TRMT9B: variants seen among roughly 807,000 people sequenced by gnomAD.
The protein encoded by TRMT9B is probable tRNA methyltransferase 9B.
In TRMT9B, 16 loss-of-function variants were observed where a neutral mutation model predicts 11.5. The observed-to-expected ratio is 1.39, with a 90% CI of 0.94 to 2.11. The LOEUF is 2.11. Among genes scored for constraint, TRMT9B ranks in the 30% most tolerant of loss-of-function variants. The pLI, the probability that TRMT9B is intolerant of heterozygous loss-of-function variation, is 0.00. For missense variants in TRMT9B, 941 were observed against 553.8 expected (o/e 1.70, Z -7.02); for synonymous variants, 274 against 192.4 (o/e 1.42, Z -3.51).
chr8:12,966,363 G>A (rs951433695), intron 1 of TRMT9B, among the ~76,000 whole-genome samples: 6 of 151,942 alleles, frequency 3.9e-5, no homozygotes, highest in Non-Finnish European at 8.8e-5. Context: ...TGTTAACCCC[G>A]GAAAGCATTG....
chr8:12,982,217 G>C (rs2128873709), intron 1 of TRMT9B, among the ~76,000 whole-genome samples: 1 of 152,220 alleles, frequency 6.6e-6, no homozygotes, highest in South Asian at 2.1e-4. Context: ...TCCTGGACCA[G>C]GTGAGGACTT....
chr8:12,999,295 T>A, intron 2 of TRMT9B, among the ~76,000 whole-genome samples: 2 of 104,526 alleles, frequency 1.9e-5, no homozygotes, highest in Admixed American at 2.5e-4. Flanking sequence ...GGAGACTCCA[T>A]CTCAAAAAAA....
intron 1 of TRMT9B, among the ~76,000 whole-genome samples, chr8:12,987,626 A>C (rs1315224768): frequency 6.6e-6 from 1 of 152,116 alleles, no homozygotes; most frequent in Non-Finnish European, 1.5e-5. Context: ...TGGGAGGTCA[A>C]GGCTGCAGTG....
At chr8:12,983,418 C>G (rs1338866726) in intron 1 of TRMT9B, among the ~76,000 whole-genome samples, 1 of 152,042 alleles carries the variant, frequency 6.6e-6, no homozygotes, top group Non-Finnish European at 1.5e-5. Flanking sequence ...GCCTGTAATC[C>G]CAGCACTTTG....
rs1814380510 is a variant in TRMT9B, at chr8:13,024,096, T to C, written c.*2052T>C. On this transcript the variant is annotated 3_prime_UTR_variant, in exon 5 of 5. Transcript: ENST00000524591. ...TCTCGCTCTGTCGCCCAGGCTGGAG[T>C]GCACTGGCGCGATCTCGGCTCACTG... 6.9e-6 allele frequency: 1 copy of C among 144,022 alleles called. No individual in the cohort carries two copies. The highest frequency in any genetic ancestry group is 2.3e-4 in the South Asian group (1 of 4,380). The allele number at this position is 144,022 out of a possible 1,614,324, so 8.9% of individuals were successfully genotyped here. A position where few individuals can be genotyped will look rare whatever the true frequency, so the allele number is the denominator to read the frequency against.
At chr8:13,012,436 A>G (rs1811796168) in intron 3 of TRMT9B, 1 of 462,930 alleles carries the variant, frequency 2.2e-6, no homozygotes, top group Admixed American at 5.0e-5. Flanking sequence ...TTATCCGGTC[A>G]TGGTGGCACG....
rs1814438132 is a variant in TRMT9B, at chr8:13,024,416, C to A, written c.*2372C>A. ...ATTTCCTTGGTAAAAAGAAAAGATT[C>A]TCAGAGTCAAAATGGTCTTACAACT... On this transcript the variant is annotated 3_prime_UTR_variant, in exon 5 of 5. Coordinates refer to ENST00000524591, the MANE Select transcript of TRMT9B (RefSeq NM_020844.3). 6.0e-6 allele frequency: 1 copy of A among 167,126 alleles called. No homozygotes were observed. The highest frequency in any genetic ancestry group is 1.5e-5 in the Non-Finnish European group (1 of 68,138). The allele number at this position is 167,126 out of a possible 1,614,324, so 10.4% of individuals were successfully genotyped here. A position where few individuals can be genotyped will look rare whatever the true frequency, so the allele number is the denominator to read the frequency against.
intron 1 of TRMT9B, among the ~76,000 whole-genome samples, chr8:12,980,529 G>T (rs1444077185): frequency 6.6e-6 from 1 of 152,118 alleles, no homozygotes; most frequent in African/African-American, 2.4e-5. Context: ...TATGGTGAGA[G>T]GCAAGGTTCT....
chr8:12,959,551 G>A (rs1195987826), intron 1 of TRMT9B, among the ~76,000 whole-genome samples: 2 of 72,662 alleles, frequency 2.8e-5, no homozygotes, highest in Admixed American at 2.5e-4. Flanking sequence ...ACAGAGTCTT[G>A]CTCTGTTGCC....
rs529626958 is a variant in TRMT9B, at chr8:13,012,402, C to G, written c.155-282C>G. 1.7e-4 allele frequency: 84 copies of G among 499,058 alleles called. 1 individual carries two copies. The highest frequency in any genetic ancestry group is 2.2e-4 in the Non-Finnish European group (81 of 374,524). The allele number at this position is 499,058 out of a possible 1,614,324, so 30.9% of individuals were successfully genotyped here. ...GACCAACCTGACCAACATGGAGAAA[C>G]CCGTCTCTACTAAAAATACAAAATT... On this transcript the variant is annotated intron_variant, in intron 3 of 4. Coordinates refer to ENST00000524591, the MANE Select transcript of TRMT9B (RefSeq NM_020844.3).
intron 1 of TRMT9B, among the ~76,000 whole-genome samples, chr8:12,963,969 A>G (rs1015263016): frequency 6.6e-6 from 1 of 152,228 alleles, no homozygotes; most frequent in African/African-American, 2.4e-5. Context: ...CCAAATATTT[A>G]TAAATGACAC....
intron 2 of TRMT9B, among the ~76,000 whole-genome samples, chr8:13,001,800 T>A: frequency 6.6e-6 from 1 of 152,220 alleles, no homozygotes; most frequent in East Asian, 1.9e-4. Flanking sequence ...CTTTAAGTAC[T>A]GACTTTTTAT....
rs537507417 is a variant in TRMT9B at position 13,021,908 on chromosome 8, G to A, written c.1229G>A (p.Arg410His). ...TDVLDSTAFM[R>H]YYHVFREGEL... is the part of the protein sequence containing the mutation. ...GTTTTGGACTCCACAGCCTTTATGCGCTACTACCATGTGTTTCGAGAAGGG... is the reference window on the plus strand; with the variant it reads ...GTTTTGGACTCCACAGCCTTTATGCACTACTACCATGTGTTTCGAGAAGGG... Residue 410 changes from arginine to histidine, a missense_variant, in exon 5 of 5, where the codon CGC (arginine) becomes CAC (histidine). By Grantham distance (29) the Arg-to-His change is conservative. Coordinates refer to ENST00000524591, the MANE Select transcript of TRMT9B (RefSeq NM_020844.3). 6 of 1,613,720 alleles carry A rather than the reference G, an allele frequency of 3.7e-6. No homozygotes were observed. Among genetic ancestry groups the A allele is most frequent in the South Asian group, 2.2e-5 (2 of 91,054 alleles).
chr8:13,014,625 C>T (rs528308909), intron 4 of TRMT9B, among the ~76,000 whole-genome samples: 1 of 152,184 alleles, frequency 6.6e-6, no homozygotes, highest in Admixed American at 6.5e-5. Flanking sequence ...AGGGCTTCGA[C>T]ATGTTGGTCT....
chr8:12,967,420 C>G (rs915327542), intron 1 of TRMT9B, among the ~76,000 whole-genome samples: 5 of 152,176 alleles, frequency 3.3e-5, no homozygotes, highest in African/African-American at 1.2e-4. Context: ...TGAACCTCAC[C>G]AGACCATAAC....
intron 1 of TRMT9B, among the ~76,000 whole-genome samples, chr8:12,956,166 C>G (rs1801283093): frequency 1.3e-5 from 2 of 152,202 alleles, no homozygotes; most frequent in African/African-American, 4.8e-5. Flanking sequence ...TTATAGGTTT[C>G]TAGCCTCAAA....
intron 1 of TRMT9B, chr8:12,951,319 C>T (rs1032413811): frequency 6.6e-6 from 1 of 152,406 alleles, no homozygotes; most frequent in Non-Finnish European, 1.5e-5. Context: ...CCGCTGAAGT[C>T]CGGGGCTGTA....
rs888019956 is a variant in TRMT9B, at chr8:12,945,930, G to A, written c.-236G>A. 2.6e-5 allele frequency: 4 copies of A among 152,160 alleles called. No individual in the cohort carries two copies. 9.4% of individuals were successfully genotyped at this position (152,160 alleles called of 1,614,324 possible). A position where few individuals can be genotyped will look rare whatever the true frequency, so the allele number is the denominator to read the frequency against. ...TCCCTCTGGGAAAGTGATGAAACCT[G>A]TGAGCTCTCCTAGCAACTCTGCAGT... On this transcript the variant is annotated 5_prime_UTR_variant, in exon 1 of 5. In the 5' UTR this introduces an upstream ATG that the reference lacks. Transcript: ENST00000524591.
chr8:13,019,143 A>G (rs1813347027), intron 4 of TRMT9B, among the ~76,000 whole-genome samples: 1 of 152,176 alleles, frequency 6.6e-6, no homozygotes, highest in Non-Finnish European at 1.5e-5. Flanking sequence ...ATTTGTTATC[A>G]AGTGGGCAAA....
Sources: allele counts gnomAD v4.1 joint callset (sites outside exome capture counted in the v4.1 genomes callset), GRCh38; gene constraint gnomAD v4.1.1; transcripts MANE v1.5; gene names NCBI Gene and HGNC (gene_info 2026-07-23, HGNC 2026-07-21).